WWP2: variants seen among roughly 807,000 people sequenced by gnomAD.
The protein encoded by WWP2 is NEDD4-like E3 ubiquitin-protein ligase WWP2.
In WWP2, 57 loss-of-function variants were observed where a neutral mutation model predicts 121.0. The observed-to-expected ratio is 0.47, with a 90% CI of 0.38 to 0.59. The LOEUF (loss-of-function observed/expected upper bound fraction) is 0.59. WWP2 is among the 20% of genes least tolerant of loss of function. WWP2 has a pLI of 0.00. For missense variants in WWP2, 962 were observed against 1,158.9 expected, an observed-to-expected ratio of 0.83 and a Z score of 2.47; for synonymous variants, 449 against 441.3, an observed-to-expected ratio of 1.02 and a Z score of -0.22.
Position 69,939,137 on chromosome 16 carries a change from C to A in WWP2, c.2440+14C>A, listed in dbSNP as rs778917940. On this transcript the variant is annotated intron_variant, in intron 22 of 23. Transcript: ENST00000359154. ...CCGAACTCATCGGTATGTTTTCTCT[C>A]GCCCTCTGGCGTCCTGGCTGGCAGT... is the stretch of plus-strand genomic sequence containing the variant. 108 of 1,586,466 alleles carry A rather than the reference C, an allele frequency of 6.8e-5. No homozygotes were observed. Among genetic ancestry groups the A allele is most frequent in the Non-Finnish European group, 9.1e-5 (106 of 1,165,212 alleles).
chr16:69,814,793 C>G (rs2151835997), intron 4 of WWP2, among the ~76,000 whole-genome samples: 1 of 152,222 alleles, frequency 6.6e-6, no homozygotes, highest in Non-Finnish European at 1.5e-5. Context: ...GGGTCTTGAG[C>G]AGCTGTACCT....
intron 4 of WWP2, among the ~76,000 whole-genome samples, chr16:69,807,534 G>T (rs1466450028): frequency 7.1e-6 from 1 of 140,844 alleles, no homozygotes; most frequent in Non-Finnish European, 1.5e-5. Context: ...CGGGAGGATT[G>T]CTTGAGCCCA....
At chr16:69,872,035 C>T (rs539170640) in intron 7 of WWP2, 104 bp downstream of exon 7, 75 of 1,464,148 alleles carry the variant, frequency 5.1e-5, no homozygotes, top group African/African-American at 3.9e-4. Flanking sequence ...AGAGGGTGGG[C>T]GTCAGAAGGC....
rs1398588617 is a variant in WWP2, at chr16:69,888,241, G to A, written c.906G>A (p.Leu302=). 6.2e-7 allele frequency: 1 copy of A among 1,613,874 alleles called. No homozygotes were observed. Among genetic ancestry groups the A allele is most frequent in the Non-Finnish European group, 8.5e-7 (1 of 1,180,014 alleles). The change falls in exon 8 of 24, where the codon CTG becomes CTA. Residue 302 remains leucine (L), a synonymous_variant. Coordinates refer to ENST00000359154, the MANE Select transcript of WWP2 (RefSeq NM_001270454.2). ...CGGCTGCCCAGGCCCCCGACGCTCTGCCTGCTGGGTGAGTAGTCTTCTGTC... is the reference window on the plus strand; with the variant it reads ...CGGCTGCCCAGGCCCCCGACGCTCTACCTGCTGGGTGAGTAGTCTTCTGTC... ...LPAAAQAPDA[L]PAGWEQRELP... is the part of the protein sequence containing the mutation.
At chr16:69,843,056 G>A (rs1440014137) in intron 6 of WWP2, among the ~76,000 whole-genome samples, 6 of 152,132 alleles carry the variant, frequency 3.9e-5, no homozygotes, top group Non-Finnish European at 7.4e-5. Context: ...GACTGGCTAA[G>A]TAGGTTATTG....
chr16:69,923,249 C>T (rs980906318), intron 10 of WWP2, among the ~76,000 whole-genome samples: 1 of 133,174 alleles, frequency 7.5e-6, no homozygotes, highest in African/African-American at 2.9e-5. Context: ...GTTTATCAGT[C>T]TCTGGTGTCT....
intron 9 of WWP2, chr16:69,909,802 G>A: frequency 1.4e-6 from 1 of 709,668 alleles, no homozygotes; most frequent in Non-Finnish European, 1.7e-6. Flanking sequence ...TAGATATAGA[G>A]AGAATAATGT....
At chr16:69,868,675 A>G (rs1481501369) in intron 6 of WWP2, among the ~76,000 whole-genome samples, 5 of 150,538 alleles carry the variant, frequency 3.3e-5, no homozygotes, top group African/African-American at 7.3e-5. Flanking sequence ...ACACACACAC[A>G]CACACACACA....
At chr16:69,810,226 G>A (rs2056362657) in intron 4 of WWP2, among the ~76,000 whole-genome samples, 1 of 152,174 alleles carries the variant, frequency 6.6e-6, no homozygotes, top group Non-Finnish European at 1.5e-5. Flanking sequence ...TTTGGCAGAG[G>A]GATGCTGTAA....
At chr16:69,936,898 G>A (rs1216198955) in intron 19 of WWP2, 18 of 569,656 alleles carry the variant, frequency 3.2e-5, no homozygotes, top group Admixed American at 2.3e-4. Context: ...AGGAGCAGGA[G>A]GAGGTGGTGG....
At chr16:69,885,147 C>A (rs1281403262) in intron 7 of WWP2, among the ~76,000 whole-genome samples, 4 of 130,280 alleles carry the variant, frequency 3.1e-5, no homozygotes, top group Non-Finnish European at 7.0e-5. Context: ...ACACATTCTT[C>A]TTCTTTAGAA....
At chr16:69,805,256 A>T (rs1036641938) in intron 4 of WWP2, among the ~76,000 whole-genome samples, 1 of 151,950 alleles carries the variant, frequency 6.6e-6, no homozygotes, top group East Asian at 1.9e-4. Flanking sequence ...GGCTGGTCTC[A>T]AACTCCTGAC....
At chr16:69,873,606 G>A (rs1597090939) in intron 7 of WWP2, among the ~76,000 whole-genome samples, 1 of 152,360 alleles carries the variant, frequency 6.6e-6, no homozygotes, top group Non-Finnish European at 1.5e-5. Context: ...ACAGCAAAGT[G>A]ATGGCCGTGA....
chr16:69,846,068 AAAG>A (rs2057072385), intron 6 of WWP2, among the ~76,000 whole-genome samples: 1 of 150,260 alleles, frequency 6.7e-6, no homozygotes, highest in Admixed American at 6.6e-5. Context: ...AAAAAAAAAA[AAAG>A]AATACTTATC....
At chr16:69,912,762 C>A (rs2058400109) in intron 9 of WWP2, among the ~76,000 whole-genome samples, 1 of 149,932 alleles carries the variant, frequency 6.7e-6, no homozygotes, top group Non-Finnish European at 1.5e-5. Context: ...CGAATGAACA[C>A]AGCTGGGCAC....
intron 6 of WWP2, among the ~76,000 whole-genome samples, chr16:69,845,475 C>T (rs1272368160): frequency 1.3e-5 from 2 of 152,124 alleles, no homozygotes; most frequent in Admixed American, 1.3e-4. Flanking sequence ...AAATATTTAG[C>T]TTTTGCTGTC....
intron 6 of WWP2, among the ~76,000 whole-genome samples, chr16:69,867,990 A>G (rs975648657): frequency 1.3e-5 from 2 of 152,224 alleles, no homozygotes; most frequent in African/African-American, 2.4e-5. Flanking sequence ...TTACAATATG[A>G]TCCCATCTTT....
intron 6 of WWP2, among the ~76,000 whole-genome samples, chr16:69,860,066 T>C (rs1268791182): frequency 1.3e-5 from 2 of 152,046 alleles, no homozygotes; most frequent in African/African-American, 4.8e-5. Context: ...CCAGCCATGG[T>C]GGCTCAGACC....
intron 8 of WWP2, among the ~76,000 whole-genome samples, chr16:69,893,484 T>C (rs1288807100): frequency 6.6e-6 from 1 of 152,242 alleles, no homozygotes; most frequent in East Asian, 1.9e-4. Context: ...AAGTTGAGCC[T>C]AATGCTGTCA....
Sources: gnomAD v4.1 joint callset for allele counts (sites outside exome capture counted in the v4.1 genomes callset) on GRCh38, gnomAD v4.1.1 for gene constraint, MANE v1.5 for transcripts, NCBI Gene and HGNC (gene_info 2026-07-23, HGNC 2026-07-21) for gene names.